CDH23: variants seen among roughly 807,000 people sequenced by gnomAD.
The protein encoded by CDH23 is cadherin related 23.
A neutral mutation model predicts 317.1 loss-of-function variants in CDH23; 189 were observed. That is an observed-to-expected ratio of 0.60 (90% CI 0.53 to 0.67). CDH23 has a LOEUF of 0.67. Among genes scored for constraint, CDH23 ranks in the 30% least tolerant of loss-of-function variants. The pLI is 0.00. For missense variants in CDH23, 4,401 were observed against 4,592.4 expected, an observed-to-expected ratio of 0.96 and a Z score of 1.20; for synonymous variants, 1,839 against 1,876.8, an observed-to-expected ratio of 0.98 and a Z score of 0.52.
At position 71,675,127 on chromosome 10, in the gene CDH23, G is replaced by A. The variant is rs2132664387; in HGVS notation, c.1465G>A (p.Ala489Thr). The change falls in exon 15 of 70, where the codon GCA becomes ACA. Residue 489 changes from alanine to threonine, a missense_variant. By Grantham distance (58) the Ala-to-Thr change is moderately conservative. Transcript: ENST00000224721. Reference sequence around the variant, plus strand: ...GCTGTTGCAGGCAACTGACAATGATGCAGGCACCTTTGGGGAAGTCAGCTA... The same window carrying A: ...GCTGTTGCAGGCAACTGACAATGATACAGGCACCTTTGGGGAAGTCAGCTA... ...VLTVLATDND[A>T]GTFGEVSYFF... The A allele has an allele frequency of 6.2e-7, 1 of 1,613,998 alleles. No individual in the cohort carries two copies. Among genetic ancestry groups the A allele is most frequent in the Non-Finnish European group, 8.5e-7 (1 of 1,179,868 alleles).
intron 6 of CDH23, among the ~76,000 whole-genome samples, chr10:71,528,339 T>C (rs1855159399): frequency 6.6e-6 from 1 of 152,048 alleles, no homozygotes; most frequent in South Asian, 2.1e-4. Flanking sequence ...ACAGTTAATG[T>C]AGAGGCAGGG....
chr10:71,658,977 G>A (rs985791652), intron 14 of CDH23, among the ~76,000 whole-genome samples: 8 of 152,186 alleles, frequency 5.3e-5, no homozygotes, highest in African/African-American at 1.9e-4. Context: ...TCTGGAAAAT[G>A]AAAGGGTTCT....
intron 3 of CDH23, among the ~76,000 whole-genome samples, chr10:71,448,374 G>A (rs1850273425): frequency 1.3e-5 from 2 of 152,252 alleles, no homozygotes; most frequent in African/African-American, 4.8e-5. Flanking sequence ...CTCGAGCCCT[G>A]TTAAGGCTGC....
chr10:71,485,793 G>A (rs1852317099), intron 3 of CDH23, among the ~76,000 whole-genome samples: 1 of 152,228 alleles, frequency 6.6e-6, no homozygotes, highest in Non-Finnish European at 1.5e-5. Context: ...CTCCAGATGG[G>A]TGTCATCCTG....
At chr10:71,434,556 A>G (rs1849536138) in intron 1 of CDH23, among the ~76,000 whole-genome samples, 2 of 151,564 alleles carry the variant, frequency 1.3e-5, no homozygotes. Flanking sequence ...TATGTGGGTG[A>G]CTCCATGGAT....
chr10:71,755,321 G>T (rs778224665), intron 38 of CDH23: 123 of 1,562,628 alleles, frequency 7.9e-5, no homozygotes, highest in Non-Finnish European at 1.0e-4. Flanking sequence ...CAGGTCACTC[G>T]CACCGTCCAC....
At chr10:71,534,627 A>G (rs916581293) in intron 6 of CDH23, among the ~76,000 whole-genome samples, 2 of 152,220 alleles carry the variant, frequency 1.3e-5, no homozygotes, top group Admixed American at 1.3e-4. Context: ...CCCCTATGTC[A>G]GAACCAACAG....
At chr10:71,689,034 AGG>A (rs1208599192) in intron 19 of CDH23, among the ~76,000 whole-genome samples, 214 of 128,596 alleles carry the variant, frequency 1.7e-3, no homozygotes, top group African/African-American at 2.3e-3. Flanking sequence ...TGGTGGAGTC[AGG>A]GGTGGTGGAG....
chr10:71,765,935 A>G (rs1840531205), intron 38 of CDH23, among the ~76,000 whole-genome samples: 1 of 152,148 alleles, frequency 6.6e-6, no homozygotes. Context: ...AGGGAAGGCC[A>G]GAAAACACCC....
intron 18 of CDH23, 108 bp downstream of exon 18, chr10:71,682,680 T>C: frequency 2.8e-6 from 4 of 1,406,720 alleles, no homozygotes; most frequent in Non-Finnish European, 3.9e-6. Context: ...TGGCTGTCCC[T>C]GCACCTTGGG....
At position 71,549,099 on chromosome 10, in the gene CDH23, G is replaced by A. The variant is rs148644153; in HGVS notation, c.430-17643G>A. On this transcript the variant is annotated intron_variant, in intron 6 of 69. Transcript: ENST00000224721. ...CCCCAGACACCCAAATGTGGATATG[G>A]CCCACTACTGATCAGCCAGGATCTG... 3.1e-3 allele frequency among the ~76,000 whole-genome samples: 468 copies of A among 152,304 alleles called. 8 individuals are homozygous for A. The highest frequency in any genetic ancestry group is 0.011 in the African/African-American group (447 of 41,564).
In CDH23 at chr10:71,791,250, C is replaced by T. The variant is rs371570295; in HGVS notation, c.6168C>T (p.Leu2056=). Reference sequence around the variant, plus strand: ...TGCTCAACAGCACGGCCCACCTGCTCATCACCATCCTGGATGACAATGACA... The same window carrying T: ...TGCTCAACAGCACGGCCCACCTGCTTATCACCATCCTGGATGACAATGACA... ...IGLLNSTAHL[L]ITILDDNDNR... The change falls in exon 47 of 70, where the codon CTC becomes CTT. Residue 2056 remains leucine (L), a synonymous_variant. Coordinates refer to ENST00000224721, the MANE Select transcript of CDH23 (RefSeq NM_022124.6). The T allele has an allele frequency of 1.1e-4, 184 of 1,613,924 alleles. No individual in the cohort carries two copies. The Middle Eastern group carries it at 3.1e-3, about 27-fold the overall frequency.
chr10:71,432,454 A>G (rs148089866), intron 1 of CDH23, among the ~76,000 whole-genome samples: 3 of 135,618 alleles, frequency 2.2e-5, no homozygotes, highest in Non-Finnish European at 4.7e-5. Context: ...CGTGTGTGTG[A>G]GAGCATGTGA....
intron 18 of CDH23, 51 bp downstream of exon 18, chr10:71,682,623 G>A: frequency 1.3e-6 from 2 of 1,599,820 alleles, no homozygotes; most frequent in Middle Eastern, 1.7e-4. Flanking sequence ...GGGATGGTGA[G>A]TGCTTCCTGT....
intron 42 of CDH23, among the ~76,000 whole-genome samples, 159 bp downstream of exon 42, chr10:71,784,579 C>T (rs570994228): frequency 6.6e-6 from 1 of 152,326 alleles, no homozygotes; most frequent in East Asian, 1.9e-4. Flanking sequence ...CCTCTCGCCA[C>T]ATCCAGCAAC....
rs60663184 is a variant in CDH23 at position 71,782,217 on chromosome 10, C to T, written c.5369-2070C>T. Among the ~76,000 whole-genome samples the T allele has an allele frequency of 9.7e-3, 1,471 of 152,334 alleles. 24 individuals carry two copies. The highest frequency in any genetic ancestry group is 0.033 in the African/African-American group (1,373 of 41,556). ...CATGCACTTGAGCCTCTCCCGCCAG[C>T]GCCTGCCTTCTCAGCTGCCCTTTCT... On this transcript the variant is annotated intron_variant, in intron 41 of 69. Coordinates refer to ENST00000224721, the MANE Select transcript of CDH23 (RefSeq NM_022124.6).
intron 38 of CDH23, among the ~76,000 whole-genome samples, chr10:71,774,361 A>G (rs1397172268): frequency 6.6e-6 from 1 of 151,698 alleles, no homozygotes. Context: ...CTCCCCTCCT[A>G]ATTCTTCTCA....
chr10:71,402,706 AGTGTGTGTGTGTGTGTGTGTGT>A (rs61127679), intron 1 of CDH23, among the ~76,000 whole-genome samples: 17 of 148,936 alleles, frequency 1.1e-4, no homozygotes, highest in South Asian at 2.1e-4. Flanking sequence ...ATTCTTCCTG[AGTGTGTGTGTGTGTGTGTGTGT>A]GTGTGTGTGT....
chr10:71,622,992 G>T (rs1861540793), intron 11 of CDH23: 5 of 982,404 alleles, frequency 5.1e-6, no homozygotes, highest in Non-Finnish European at 6.0e-6. Context: ...CAGGTTGGGG[G>T]TTAGTTATTA....
Sources: gnomAD v4.1 joint callset for allele counts (sites outside exome capture counted in the v4.1 genomes callset) on GRCh38, gnomAD v4.1.1 for gene constraint, MANE v1.5 for transcripts, NCBI Gene and HGNC (gene_info 2026-07-23, HGNC 2026-07-21) for gene names.